The following NCAM2 variants were observed in gnomAD, a reference collection of about 807,000 sequenced individuals.
The protein encoded by NCAM2 is N-CAM-2.
In NCAM2, 30 loss-of-function variants were observed where a neutral mutation model predicts 98.1. The observed-to-expected ratio is 0.31, with a 90% CI of 0.23 to 0.41. The LOEUF (loss-of-function observed/expected upper bound fraction) is 0.41, where lower values mean the gene tolerates loss of function less well. Among genes scored for constraint, NCAM2 ranks in the 10% least tolerant of loss-of-function variants. The probability of loss-of-function intolerance (pLI) is 1.00; values close to 1 mark genes in which losing one functional copy is unlikely to be tolerated. For synonymous variants in NCAM2, 368 were observed against 342.4 expected (o/e 1.07, Z -0.83); for missense variants, 867 against 1,005.8 (o/e 0.86, Z 1.87).
chr21:21,014,094 CT>C (rs2064260601), intron 1 of NCAM2, among the ~76,000 whole-genome samples: 1 of 152,168 alleles, frequency 6.6e-6, no homozygotes, highest in Admixed American at 6.5e-5. Flanking sequence ...AATAATACAG[CT>C]GGTGACTAAG....
chr21:21,394,469 C>CTTTTTTTTTTTTTTTTTTTTT lies in NCAM2; in HGVS notation c.1196-15788_1196-15768dup, dbSNP rs532068473. Among the ~76,000 whole-genome samples, 22 of 57,672 alleles carry CTTTTTTTTTTTTTTTTTTTTT rather than the reference C, an allele frequency of 3.8e-4. 5 individuals carry two copies. The highest frequency in any genetic ancestry group is 6.3e-4 in the African/African-American group (8 of 12,602). The allele number at this position is 57,672 out of a possible 152,430, so 37.8% of individuals were successfully genotyped here. A position where few individuals can be genotyped will look rare whatever the true frequency, so the allele number is the denominator to read the frequency against. On this transcript the variant is annotated intron_variant, in intron 9 of 17. Transcript: ENST00000400546. ...GACCTTAGTTAATTTAAGGGGCCAG[C>CTTTTTTTTTTTTTTTTTTTTT]TTTTTTTTTTTTTTTTTTTTTTTTT...
At chr21:21,394,538 G>C (rs961574547) in intron 9 of NCAM2, among the ~76,000 whole-genome samples, 1 of 129,158 alleles carries the variant, frequency 7.7e-6, no homozygotes, top group Non-Finnish European at 1.6e-5. Context: ...GCCCAGGCTG[G>C]ACTGCAGTGG....
chr21:21,396,915 G>C (rs1268625433), intron 9 of NCAM2, among the ~76,000 whole-genome samples: 1 of 152,176 alleles, frequency 6.6e-6, no homozygotes, highest in African/African-American at 2.4e-5. Flanking sequence ...GTGGCAAGTA[G>C]GGGGCATGTT....
intron 8 of NCAM2, among the ~76,000 whole-genome samples, chr21:21,356,759 G>A (rs1243604384): frequency 6.6e-6 from 1 of 152,164 alleles, no homozygotes; most frequent in Non-Finnish European, 1.5e-5. Flanking sequence ...GGGAGGCCAA[G>A]GAGGCTGGAT....
chr21:21,121,472 T>A (rs981258419), intron 1 of NCAM2, among the ~76,000 whole-genome samples: 1 of 152,206 alleles, frequency 6.6e-6, no homozygotes, highest in Admixed American at 6.5e-5. Context: ...TAGATTCAGA[T>A]GCCTATCATA....
At chr21:21,289,001 G>T (rs1343311200) in intron 4 of NCAM2, among the ~76,000 whole-genome samples, 2 of 151,844 alleles carry the variant, frequency 1.3e-5, no homozygotes, top group Non-Finnish European at 2.9e-5. Flanking sequence ...GGGAGTAAAG[G>T]TGACATTTTA....
At chr21:21,534,477 T>C in intron 16 of NCAM2, 60 bp from the exon 17 acceptor site, 1 of 1,350,298 alleles carries the variant, frequency 7.4e-7, no homozygotes, top group East Asian at 2.6e-5. Flanking sequence ...ACTCTGTTTT[T>C]TTCCATAATG....
intron 8 of NCAM2, among the ~76,000 whole-genome samples, chr21:21,362,024 T>G (rs2075659643): frequency 6.6e-6 from 1 of 152,200 alleles, no homozygotes; most frequent in Admixed American, 6.5e-5. Flanking sequence ...TTAGCCCTAC[T>G]TTAAATATAT....
At chr21:21,519,115 A>G (rs1296852117) in intron 16 of NCAM2, among the ~76,000 whole-genome samples, 1 of 152,152 alleles carries the variant, frequency 6.6e-6, no homozygotes, top group East Asian at 1.9e-4. Flanking sequence ...AGAGTCAGAG[A>G]AAGAGAAACT....
chr21:21,478,648 A>C (rs1226136995), intron 15 of NCAM2, among the ~76,000 whole-genome samples: 1 of 152,118 alleles, frequency 6.6e-6, no homozygotes, highest in Non-Finnish European at 1.5e-5. Flanking sequence ...AATTCTACCA[A>C]ATTATAATTT....
At chr21:21,287,889 T>TA (rs2073156263) in intron 4 of NCAM2, among the ~76,000 whole-genome samples, 1 of 151,908 alleles carries the variant, frequency 6.6e-6, no homozygotes, top group South Asian at 2.1e-4. Flanking sequence ...TCAGACTCTT[T>TA]ATCTGTAAAA....
At chr21:21,405,145 G>C (rs1414032460) in intron 9 of NCAM2, among the ~76,000 whole-genome samples, 2 of 151,714 alleles carry the variant, frequency 1.3e-5, no homozygotes, top group African/African-American at 4.8e-5. Flanking sequence ...TATTTTTGCA[G>C]TCATGTTTAG....
rs1483345767 is a variant in NCAM2 at position 21,539,656 on chromosome 21, A to G, written c.*1699A>G. 1 of 152,140 alleles carries G rather than the reference A, an allele frequency of 6.6e-6. No individual in the cohort carries two copies. The highest frequency in any genetic ancestry group is 2.4e-5 in the African/African-American group (1 of 41,430). The allele number at this position is 152,140 out of a possible 1,614,324, so 9.4% of individuals were successfully genotyped here. On this transcript the variant is annotated 3_prime_UTR_variant, in exon 18 of 18. Coordinates refer to ENST00000400546, the MANE Select transcript of NCAM2 (RefSeq NM_004540.5). ...GACCATCTTCGTTTGAAGGCACCAA[A>G]TCGTCGCAGTGTCTTTGCCATAAGT... is the stretch of plus-strand genomic sequence containing the variant.
chr21:21,536,168 T>A (rs931410504), intron 17 of NCAM2, among the ~76,000 whole-genome samples: 3 of 152,166 alleles, frequency 2.0e-5, no homozygotes, highest in East Asian at 3.8e-4. Context: ...GGTACAATGT[T>A]TTTTAATGTT....
chr21:21,148,961 A>G (rs1293853373), intron 1 of NCAM2, among the ~76,000 whole-genome samples: 1 of 152,162 alleles, frequency 6.6e-6, no homozygotes, highest in Admixed American at 6.5e-5. Context: ...AGCTCTTTCA[A>G]TGACGATTAC....
chr21:21,282,412 T>C (rs1008691275), intron 2 of NCAM2, among the ~76,000 whole-genome samples: 6 of 151,874 alleles, frequency 4.0e-5, no homozygotes, highest in African/African-American at 1.4e-4. Context: ...GTAAACTAAG[T>C]AAGCATTTAT....
rs372882258 is a variant in NCAM2, at chr21:21,091,710, T to C, written c.55+93092T>C. ...TTAATCTAAGAAAGAGATTTGAAAC[T>C]GTACAATACTTTCAAGTATACTAAT... On this transcript the variant is annotated intron_variant, in intron 1 of 17. Transcript: ENST00000400546. Among the ~76,000 whole-genome samples the C allele has an allele frequency of 2.6e-5, 4 of 152,302 alleles. No homozygotes were observed. The East Asian group carries it at 5.8e-4, about 22-fold the overall frequency.
rs201415378 is a variant in NCAM2 at position 21,331,601 on chromosome 21, AGT to A, written c.738-3902_738-3901del. Among the ~76,000 whole-genome samples, 107 of 73,310 alleles carry A rather than the reference AGT, an allele frequency of 1.5e-3. 9 individuals are homozygous for A. Among genetic ancestry groups the A allele is most frequent in the Middle Eastern group, 7.6e-3 (1 of 132 alleles). The allele number at this position is 73,310 out of a possible 152,430, so 48.1% of individuals were successfully genotyped here. A position where few individuals can be genotyped will look rare whatever the true frequency, so the allele number is the denominator to read the frequency against. ...TATAGAGAGAGAGAGAGAGAGAGAG[AGT>A]GAGAGAGAGAATCTCACTCCGTCGC... On this transcript the variant is annotated intron_variant, in intron 6 of 17. Coordinates refer to ENST00000400546, the MANE Select transcript of NCAM2 (RefSeq NM_004540.5).
At chr21:21,382,827 G>A (rs1022258332) in intron 9 of NCAM2, among the ~76,000 whole-genome samples, 1 of 151,844 alleles carries the variant, frequency 6.6e-6, no homozygotes, top group African/African-American at 2.4e-5. Context: ...ACTGCGACTG[G>A]CCCAAATAGT....
Sources: allele counts gnomAD v4.1 joint callset (sites outside exome capture counted in the v4.1 genomes callset), GRCh38; gene constraint gnomAD v4.1.1; transcripts MANE v1.5; gene names NCBI Gene and HGNC (gene_info 2026-07-23, HGNC 2026-07-21).